The following SAMD14 variants were observed in gnomAD, a reference collection of about 807,000 sequenced individuals.
The protein encoded by SAMD14 is sterile alpha motif domain containing 14, also known as sterile alpha motif domain-containing protein 14.
Under a neutral mutation model 46.2 loss-of-function variants are expected in SAMD14, and 27 were observed. The ratio of observed to expected loss-of-function variants is 0.58; its 90% CI spans 0.43 to 0.81. The LOEUF (loss-of-function observed/expected upper bound fraction) is 0.81, where lower values mean the gene tolerates loss of function less well. SAMD14 is among the 30% of genes least tolerant of loss of function. The pLI is 0.00. For synonymous variants in SAMD14, 241 were observed against 254.3 expected, an observed-to-expected ratio of 0.95 and a Z score of 0.50; for missense variants, 559 against 582.2, an observed-to-expected ratio of 0.96 and a Z score of 0.41.
In SAMD14 at chr17:50,115,953, C is replaced by G; in HGVS notation, c.588-49G>C. ...GGGCAGGGCTGCCCACTGTGCTACCCCTTACCCCAGCAGCTCCAAGCCCTG... is the reference window on the plus strand; with the variant it reads ...GGGCAGGGCTGCCCACTGTGCTACCGCTTACCCCAGCAGCTCCAAGCCCTG... On this transcript the variant is annotated intron_variant, in intron 5 of 9. Transcript: ENST00000330175. The surrounding 1 kb of genome is among the most constrained non-coding windows in gnomAD (Gnocchi z 5.3). 1 of 1,613,446 alleles carries G rather than the reference C, an allele frequency of 6.2e-7. No individual in the cohort carries two copies. The highest frequency in any genetic ancestry group is 8.5e-7 in the Non-Finnish European group (1 of 1,179,712).
intron 2 of SAMD14, among the ~76,000 whole-genome samples, chr17:50,119,695 C>G (rs1005513672): frequency 6.6e-6 from 1 of 152,138 alleles, no homozygotes; most frequent in African/African-American, 2.4e-5. Context: ...CAGTGAAAAG[C>G]CCCCTTGTCC....
At position 50,117,861 on chromosome 17, in the gene SAMD14, A is replaced by G. The variant is rs1166938276; in HGVS notation, c.211-166T>C. 2.0e-5 allele frequency: 15 copies of G among 749,350 alleles called. No homozygotes were observed. In the East Asian group the frequency reaches 5.0e-4, roughly 25 times the overall value. 46.4% of individuals were successfully genotyped at this position (749,350 alleles called of 1,614,324 possible). On this transcript the variant is annotated intron_variant, in intron 3 of 9. Transcript: ENST00000330175. ...GGGTGGCTGGAGAGTGAGAGGTGGG[A>G]AACAGGAACTTTGAGTCACACAGGC...
intron 2 of SAMD14, chr17:50,124,212 T>C (rs1911638936): frequency 6.6e-6 from 3 of 456,022 alleles, no homozygotes; most frequent in Non-Finnish European, 8.8e-6. Context: ...GTGGTTTCTT[T>C]CTCCAGTCCA....
At chr17:50,118,982 C>T (rs947790657) in intron 2 of SAMD14, among the ~76,000 whole-genome samples, 1 of 152,220 alleles carries the variant, frequency 6.6e-6, no homozygotes, top group African/African-American at 2.4e-5. Flanking sequence ...CCTGGCTAGG[C>T]TGGCTCTAGA....
chr17:50,113,866 T>A (rs1911013868), intron 9 of SAMD14, 58 bp downstream of exon 9: 2 of 1,601,698 alleles, frequency 1.2e-6, no homozygotes, highest in Non-Finnish European at 1.7e-6. Flanking sequence ...GGACTTCAAA[T>A]CCTTGAAAGT....
rs545766696 is a variant in SAMD14 at position 50,127,044 on chromosome 17, G to A, written c.-12-2073C>T. 5.4e-4 allele frequency among the ~76,000 whole-genome samples: 82 copies of A among 151,312 alleles called. 1 individual carries two copies. The highest frequency in any genetic ancestry group is 3.5e-3 in the South Asian group (17 of 4,800). On this transcript the variant is annotated intron_variant, in intron 1 of 9. Transcript: ENST00000330175. ...GAACCTGAGAGGTGGAGGTTGCAGTGAGCCGACATCATGCCATTGCACTCC... is the reference window on the plus strand; with the variant it reads ...GAACCTGAGAGGTGGAGGTTGCAGTAAGCCGACATCATGCCATTGCACTCC...
intron 2 of SAMD14, among the ~76,000 whole-genome samples, chr17:50,122,565 G>T (rs897859885): frequency 7.2e-5 from 11 of 152,232 alleles, no homozygotes; most frequent in African/African-American, 2.6e-4. Flanking sequence ...ACGAAAATTT[G>T]AGCTCCATGA....
chr17:50,117,903 C>G, intron 3 of SAMD14: 2 of 643,298 alleles, frequency 3.1e-6, no homozygotes, highest in East Asian at 3.3e-5. Flanking sequence ...TGAATTCCCC[C>G]TCCTTCACTT....
chr17:50,124,761 A>ACGCGCACGCG (rs1555563082), intron 2 of SAMD14, among the ~76,000 whole-genome samples, 156 bp downstream of exon 2: 17 of 108,144 alleles, frequency 1.6e-4, no homozygotes, highest in African/African-American at 6.9e-4. Context: ...GCACGCGTGC[A>ACGCGCACGCG]CGCGCGCGCG....
At chr17:50,114,744 G>T (rs1173507089) in intron 7 of SAMD14, 3 of 260,072 alleles carry the variant, frequency 1.2e-5, no homozygotes, top group Admixed American at 5.4e-5. Context: ...GTTCATCATG[G>T]TGTCCCAGTG....
chr17:50,114,632 T>C lies in SAMD14; in HGVS notation c.823-326A>G, dbSNP rs531204414. 3.0e-4 allele frequency: 173 copies of C among 571,868 alleles called. 3 individuals carry two copies. In the South Asian group the frequency reaches 3.7e-3, roughly 12 times the overall value. 35.4% of individuals were successfully genotyped at this position (571,868 alleles called of 1,614,324 possible). On this transcript the variant is annotated intron_variant, in intron 7 of 9. Coordinates refer to ENST00000330175, the MANE Select transcript of SAMD14 (RefSeq NM_001257359.2). ...CAGGCTGGGTCAGGTGTCTCTGCTA[T>C]GCGCCTCCCGCCTGGCCTTAGTACC...
chr17:50,118,416 A>G (rs1911351303), intron 2 of SAMD14, 89 bp from the exon 3 acceptor site: 17 of 1,459,378 alleles, frequency 1.2e-5, no homozygotes, highest in Middle Eastern at 4.9e-4. Context: ...CTGCACCCAC[A>G]CCCCAGGCAT....
chr17:50,129,006 T>C lies in SAMD14; in HGVS notation c.-13+511A>G, dbSNP rs1384062645. Among the ~76,000 whole-genome samples, 1 of 152,142 alleles carries C rather than the reference T, an allele frequency of 6.6e-6. No individual in the cohort carries two copies. The highest frequency in any genetic ancestry group is 1.5e-5 in the Non-Finnish European group (1 of 68,006). On this transcript the variant is annotated intron_variant, in intron 1 of 9. Transcript: ENST00000330175. The surrounding 1 kb of genome is among the most constrained non-coding windows in gnomAD (Gnocchi z 5.6). ...GGAAGAGGTGGATGGGAAAGGAGAC[T>C]AGCGGTCGGGGAGGCAGTTGTGGAG... is the stretch of plus-strand genomic sequence containing the variant.
intron 1 of SAMD14, among the ~76,000 whole-genome samples, chr17:50,128,554 C>T (rs994550836): frequency 6.6e-6 from 1 of 151,798 alleles, no homozygotes; most frequent in Non-Finnish European, 1.5e-5. Flanking sequence ...GGGATTGAAC[C>T]GGTTCCTCTG....
At chr17:50,113,156 C>T in intron 9 of SAMD14, 108 bp from the exon 10 acceptor site, 2 of 1,334,110 alleles carry the variant, frequency 1.5e-6, no homozygotes, top group Non-Finnish European at 1.0e-6. Context: ...GCTCCAAATC[C>T]TCCCTGGAGT....
chr17:50,120,283 C>G (rs940962622), intron 2 of SAMD14, among the ~76,000 whole-genome samples: 2 of 151,116 alleles, frequency 1.3e-5, no homozygotes, highest in African/African-American at 4.9e-5. Context: ...CCTATACATG[C>G]GTACATATGG....
intron 7 of SAMD14, 72 bp from the exon 8 acceptor site, chr17:50,114,378 G>A (rs755359569): frequency 1.1e-5 from 17 of 1,613,836 alleles, no homozygotes; most frequent in African/African-American, 2.7e-5. Context: ...GGGTGGAGCC[G>A]AAGTCCTGGA....
chr17:50,125,661 C>A (rs973968599), intron 1 of SAMD14, among the ~76,000 whole-genome samples: 5 of 152,222 alleles, frequency 3.3e-5, no homozygotes, highest in African/African-American at 9.6e-5. Flanking sequence ...TTCTCCATCT[C>A]TTTTCCAATC....
At chr17:50,117,045 C>A (rs1394043888) in intron 4 of SAMD14, among the ~76,000 whole-genome samples, 3 of 151,262 alleles carry the variant, frequency 2.0e-5, no homozygotes, top group South Asian at 2.1e-4. Flanking sequence ...TGGAGACGGT[C>A]TCGCTATGTT....
Sources: gnomAD v4.1 joint callset for allele counts (sites outside exome capture counted in the v4.1 genomes callset) on GRCh38, gnomAD v4.1.1 for gene constraint, Gnocchi (gnomAD v3.1) non-coding constraint, MANE v1.5 for transcripts, NCBI Gene and HGNC (gene_info 2026-07-23, HGNC 2026-07-21) for gene names.